Variants in CUX1 observed in about 807,000 individuals in gnomAD.
CUX1 encodes cut like homeobox 1.
Under a neutral mutation model 158.8 loss-of-function variants are expected in CUX1, and 31 were observed. That is an observed-to-expected ratio of 0.20 (90% CI 0.15 to 0.26). The LOEUF (loss-of-function observed/expected upper bound fraction) is 0.26. Among genes scored for constraint, CUX1 ranks in the 10% least tolerant of loss-of-function variants. The probability of loss-of-function intolerance (pLI) is 1.00; values close to 1 mark genes in which losing one functional copy is unlikely to be tolerated. For missense variants in CUX1, 1,589 were observed against 2,014.6 expected (o/e 0.79, Z 4.04); for synonymous variants, 879 against 862.1 (o/e 1.02, Z -0.34).
intron 9 of CUX1, among the ~76,000 whole-genome samples, chr7:102,163,746 G>T (rs1554507865): frequency 1.3e-5 from 2 of 152,194 alleles, no homozygotes; most frequent in East Asian, 3.9e-4. Flanking sequence ...GGAGGGCGCA[G>T]ACACAGTCCA....
intron 4 of CUX1, among the ~76,000 whole-genome samples, chr7:102,080,028 CTG>C (rs1206067353): frequency 5.3e-5 from 8 of 152,228 alleles, no homozygotes; most frequent in African/African-American, 1.9e-4. Flanking sequence ...ATGTAGGACA[CTG>C]TATGTTTGCA....
intron 20 of CUX1, among the ~76,000 whole-genome samples, chr7:102,216,423 C>T (rs1234903900): frequency 2.0e-5 from 3 of 151,918 alleles, no homozygotes; most frequent in African/African-American, 7.3e-5. Context: ...GTGGGCACAC[C>T]GGCCAGAGAG....
chr7:102,068,027 A>G (rs1468674102), intron 3 of CUX1, among the ~76,000 whole-genome samples: 1 of 151,870 alleles, frequency 6.6e-6, no homozygotes, highest in Admixed American at 6.6e-5. Flanking sequence ...TCTCAAAAAA[A>G]AGTCCTTGCA....
At chr7:102,124,901 C>T (rs1179748893) in intron 8 of CUX1, among the ~76,000 whole-genome samples, 4 of 151,786 alleles carry the variant, frequency 2.6e-5, no homozygotes, top group African/African-American at 9.7e-5. Context: ...TATGTCTCAG[C>T]CTCCCAAGTA....
chr7:101,873,029 T>C (rs1798741173), intron 1 of CUX1, among the ~76,000 whole-genome samples: 1 of 151,712 alleles, frequency 6.6e-6, no homozygotes. Context: ...TGCACTGTCA[T>C]GGCCAGTTAA....
chr7:101,864,082 G>T (rs945308319), intron 1 of CUX1, among the ~76,000 whole-genome samples: 6 of 151,818 alleles, frequency 4.0e-5, no homozygotes, highest in African/African-American at 1.5e-4. Flanking sequence ...TGTTTGGGTT[G>T]CACCATTTTA....
chr7:102,203,291 G>T (rs1354458267), intron 18 of CUX1, among the ~76,000 whole-genome samples: 2 of 152,096 alleles, frequency 1.3e-5, no homozygotes, highest in Admixed American at 1.3e-4. Flanking sequence ...CCCCTAAAAG[G>T]CACCTTCCTG....
chr7:102,234,643 G>C (rs1234184827), intron 22 of CUX1, among the ~76,000 whole-genome samples: 2 of 151,966 alleles, frequency 1.3e-5, no homozygotes, highest in African/African-American at 4.8e-5. Context: ...TTGTAGGCAG[G>C]GCACGGCGGC....
chr7:101,930,724 A>C (rs1384976357), intron 2 of CUX1, among the ~76,000 whole-genome samples: 1 of 152,168 alleles, frequency 6.6e-6, no homozygotes, highest in Non-Finnish European at 1.5e-5. Flanking sequence ...CTGGAAGCTT[A>C]GATTGTGATT....
chr7:102,277,858 G>A (rs1333619289), intron 17 of CUX1: 2 of 726,956 alleles, frequency 2.8e-6, no homozygotes, highest in African/African-American at 3.6e-5. Context: ...AGAAGGCTGT[G>A]GGCACAGAAG....
intron 16 of CUX1, chr7:102,274,420 C>A: frequency 1.1e-6 from 1 of 910,524 alleles, no homozygotes; most frequent in South Asian, 1.5e-5. Context: ...CTAAGAAGGT[C>A]AGGCCCCCAC....
chr7:101,886,679 C>G (rs868427191), intron 1 of CUX1, among the ~76,000 whole-genome samples: 4 of 152,122 alleles, frequency 2.6e-5, no homozygotes, highest in Non-Finnish European at 1.5e-5. Flanking sequence ...TAGCCCATGC[C>G]AGCCTCACTG....
intron 2 of CUX1, among the ~76,000 whole-genome samples, chr7:101,944,174 C>T (rs757392307): frequency 2.0e-5 from 3 of 152,122 alleles, no homozygotes; most frequent in South Asian, 2.1e-4. Context: ...CAGCCCCTCC[C>T]GATGGCTCCT....
At chr7:102,132,020 A>G (rs1277991756) in intron 8 of CUX1, among the ~76,000 whole-genome samples, 1 of 152,128 alleles carries the variant, frequency 6.6e-6, no homozygotes, top group African/African-American at 2.4e-5. Context: ...CCATAAAAAC[A>G]CTAGGAGCAA....
chr7:102,204,357 G>A, intron 18 of CUX1, 34 bp from the exon 19 acceptor site: 1 of 1,609,316 alleles, frequency 6.2e-7, no homozygotes, highest in South Asian at 1.1e-5. Context: ...TAATAGCCAG[G>A]CACTGATGGC....
Position 102,232,755 on chromosome 7 carries a change from A to T in CUX1, c.3434-1297A>T, listed in dbSNP as rs1476738465. ...AACTCAATGCGGCTGTGCTCTCCATAGCGAAATGCCCTCTGATCAGCCTGT... is the reference window on the plus strand; with the variant it reads ...AACTCAATGCGGCTGTGCTCTCCATTGCGAAATGCCCTCTGATCAGCCTGT... On this transcript the variant is annotated intron_variant, in intron 21 of 23. Transcript: ENST00000292535. Among the ~76,000 whole-genome samples, 3 of 152,166 alleles carry T rather than the reference A, an allele frequency of 2.0e-5. No individual in the cohort carries two copies. In the East Asian group the frequency reaches 5.8e-4, roughly 29 times the overall value.
At chr7:101,901,172 C>CT (rs993442795) in intron 1 of CUX1, among the ~76,000 whole-genome samples, 1 of 152,066 alleles carries the variant, frequency 6.6e-6, no homozygotes, top group African/African-American at 2.4e-5. Context: ...CTACTGCTTC[C>CT]TAGGGCCCAG....
chr7:101,890,616 C>T (rs1226641905), intron 1 of CUX1, among the ~76,000 whole-genome samples: 2 of 152,106 alleles, frequency 1.3e-5, no homozygotes, highest in Non-Finnish European at 2.9e-5. Flanking sequence ...CGGGGAAAAA[C>T]GGTGAGTCCC....
chr7:102,152,417 T>A (rs1835791447), intron 8 of CUX1, among the ~76,000 whole-genome samples: 1 of 152,046 alleles, frequency 6.6e-6, no homozygotes, highest in Admixed American at 6.5e-5. Flanking sequence ...GTTTGTTTGT[T>A]TTTGTTTGTT....
Sources: gnomAD v4.1 joint callset for allele counts (sites outside exome capture counted in the v4.1 genomes callset) on GRCh38, gnomAD v4.1.1 for gene constraint, MANE v1.5 for transcripts, NCBI Gene and HGNC (gene_info 2026-07-23, HGNC 2026-07-21) for gene names.